Variants in TENM2 observed in about 807,000 individuals in gnomAD.
TENM2 encodes teneurin transmembrane protein 2, also known as teneurin-2.
TENM2 carries 52 observed loss-of-function variants against 245.2 expected under a neutral mutation model. That is an observed-to-expected ratio of 0.21 (90% CI 0.17 to 0.27). The LOEUF is 0.27. Ranked by LOEUF, TENM2 falls within the 10% of genes least tolerant of loss-of-function variation. TENM2 has a pLI of 1.00. For missense variants in TENM2, 3,046 were observed against 3,666.8 expected (o/e 0.83, Z 4.37); for synonymous variants, 1,363 against 1,438.9 (o/e 0.95, Z 1.19).
the TENM2 span, among the ~76,000 whole-genome samples, chr5:166,986,692 T>G: frequency 6.6e-6 from 1 of 152,142 alleles, no homozygotes; most frequent in Non-Finnish European, 1.5e-5. Flanking sequence ...GAATGAAACA[T>G]GTTTTAAGAA....
At chr5:167,629,708 TCTCAGTGTTATA>T (rs1272659169) in intron 2 of TENM2, among the ~76,000 whole-genome samples, 1 of 152,200 alleles carries the variant, frequency 6.6e-6, no homozygotes, top group East Asian at 1.9e-4. Context: ...TGTTTGGTTT[TCTCAGTGTTATA>T]GAGAGAGTCA....
intron 27 of TENM2, among the ~76,000 whole-genome samples, chr5:168,256,008 GT>G (rs1436146809): frequency 6.6e-6 from 1 of 151,672 alleles, no homozygotes; most frequent in Non-Finnish European, 1.5e-5. Flanking sequence ...GTTTCACCAT[GT>G]TGGTCAGGCT....
the TENM2 span, among the ~76,000 whole-genome samples, chr5:167,033,868 G>A: frequency 1.2e-4 from 18 of 152,160 alleles, no homozygotes; most frequent in Non-Finnish European, 5.9e-5. Context: ...TTCAACATGT[G>A]TGACTCAATA....
rs142031449 is a variant in TENM2, at chr5:168,248,130, T to G, written c.7191T>G (p.Ile2397Met). The G allele has an allele frequency of 1.3e-4, 204 of 1,613,890 alleles. No individual in the cohort carries two copies. In the African/African-American group the frequency reaches 2.2e-3, roughly 17 times the overall value. ...TGCAGTACACGGCCTATGGGGAGAT[T>G]TATTATGACTCCAACCCCGACTTCC... Residue 2397 changes from isoleucine to methionine, a missense_variant, in exon 27 of 29, where the codon ATT (isoleucine) becomes ATG (methionine). Coordinates refer to ENST00000518659, the Ensembl canonical transcript of TENM2.
intron 2 of TENM2, among the ~76,000 whole-genome samples, chr5:167,557,052 AAG>A (rs1773303928): frequency 6.6e-6 from 1 of 152,172 alleles, no homozygotes; most frequent in Non-Finnish European, 1.5e-5. Context: ...TGGGAAATTT[AAG>A]AGTTTTCTAA....
intron 2 of TENM2, among the ~76,000 whole-genome samples, chr5:167,500,075 T>TGTGA (rs1341167732): frequency 6.6e-6 from 1 of 151,192 alleles, no homozygotes; most frequent in Non-Finnish European, 1.5e-5. Flanking sequence ...TGTGTGTGTG[T>TGTGA]GAGTGTGTGT....
intron 7 of TENM2, among the ~76,000 whole-genome samples, chr5:168,067,371 A>G (rs7715385): frequency 0.039 from 5,899 of 152,260 alleles, 368 homozygotes; most frequent in African/African-American, 0.13. Flanking sequence ...GAACAGTTTA[A>G]GAGACCACAA....
At chr5:168,133,088 G>A (rs181022677) in intron 12 of TENM2, among the ~76,000 whole-genome samples, 34 of 152,284 alleles carry the variant, frequency 2.2e-4, no homozygotes, top group Admixed American at 1.3e-3. Context: ...ATTTCTCCAT[G>A]TGGCAAATGA....
At chr5:168,070,463 T>C (rs1303018016) in intron 7 of TENM2, among the ~76,000 whole-genome samples, 3 of 151,982 alleles carry the variant, frequency 2.0e-5, no homozygotes, top group African/African-American at 7.3e-5. Flanking sequence ...TTATAATTTT[T>C]AAAATATCTA....
At chr5:168,000,996 G>T (rs1333610010) in intron 5 of TENM2, among the ~76,000 whole-genome samples, 1 of 150,826 alleles carries the variant, frequency 6.6e-6, no homozygotes, top group Non-Finnish European at 1.5e-5. Flanking sequence ...AGAAGAGTAT[G>T]CCCAAAATAG....
chr5:167,896,883 C>T (rs540261922), intron 3 of TENM2, among the ~76,000 whole-genome samples: 5 of 152,324 alleles, frequency 3.3e-5, no homozygotes, highest in African/African-American at 1.2e-4. Flanking sequence ...TAGAATCACG[C>T]TTGCTTTTTC....
intron 1 of TENM2, among the ~76,000 whole-genome samples, chr5:167,333,444 A>G (rs1026422692): frequency 2.0e-5 from 3 of 152,218 alleles, no homozygotes; most frequent in African/African-American, 4.8e-5. Flanking sequence ...AGTTGTTGTT[A>G]TTATTATTAT....
chr5:167,253,485 T>C, the TENM2 span, among the ~76,000 whole-genome samples: 2 of 151,976 alleles, frequency 1.3e-5, no homozygotes, highest in Non-Finnish European at 2.9e-5. Flanking sequence ...AAAGTTGTCA[T>C]AATGGTTAAG....
chr5:167,471,992 G>A (rs1322590130), intron 2 of TENM2, among the ~76,000 whole-genome samples: 1 of 152,158 alleles, frequency 6.6e-6, no homozygotes, highest in Non-Finnish European at 1.5e-5. Flanking sequence ...GCTGGCTTGA[G>A]CCCCAGGTTG....
chr5:167,876,236 G>A, intron 3 of TENM2, 41 bp downstream of exon 5: 1 of 1,461,756 alleles, frequency 6.8e-7, no homozygotes, highest in Non-Finnish European at 9.4e-7. Flanking sequence ...GGTGTTTCGT[G>A]AGTGACATTC....
intron 2 of TENM2, among the ~76,000 whole-genome samples, chr5:167,458,241 C>A (rs890030248): frequency 6.6e-6 from 1 of 152,036 alleles, no homozygotes; most frequent in African/African-American, 2.4e-5. Flanking sequence ...AATCCCAGCA[C>A]TTTGGGAGGC....
chr5:167,382,199 C>T lies in TENM2; in HGVS notation c.502+6726C>T, dbSNP rs114772009. On this transcript the variant is annotated intron_variant, in intron 2 of 28. Coordinates refer to ENST00000518659, the Ensembl canonical transcript of TENM2. Reference sequence around the variant, plus strand: ...TACTTCAGCTGATTGAAGAAAACCCCAGGGCTTTTCAGGAGGAAGCCATTT... The same window carrying T: ...TACTTCAGCTGATTGAAGAAAACCCTAGGGCTTTTCAGGAGGAAGCCATTT... Among the ~76,000 whole-genome samples, 620 of 152,188 alleles carry T rather than the reference C, an allele frequency of 4.1e-3. 4 individuals carry two copies. The highest frequency in any genetic ancestry group is 0.013 in the African/African-American group (551 of 41,552).
chr5:167,516,637 C>T (rs776191886), intron 2 of TENM2, among the ~76,000 whole-genome samples: 1 of 152,140 alleles, frequency 6.6e-6, no homozygotes, highest in Admixed American at 6.5e-5. Context: ...TGCAAAAGCA[C>T]CTCAATATAA....
At chr5:167,005,547 A>G in the TENM2 span, among the ~76,000 whole-genome samples, 7 of 152,012 alleles carry the variant, frequency 4.6e-5, no homozygotes, top group Non-Finnish European at 1.0e-4. Flanking sequence ...TAACTCACAG[A>G]AATATTTCTA....
Sources: allele counts gnomAD v4.1 joint callset (sites outside exome capture counted in the v4.1 genomes callset), GRCh38; gene constraint gnomAD v4.1.1; transcripts MANE v1.5; gene names NCBI Gene and HGNC (gene_info 2026-07-23, HGNC 2026-07-21).